PRORP: variants seen among roughly 807,000 people sequenced by gnomAD.
PRORP encodes protein only RNase P catalytic subunit.
PRORP carries 51 observed loss-of-function variants against 59.4 expected under a neutral mutation model. The ratio of observed to expected loss-of-function variants is 0.86; its 90% confidence interval spans 0.69 to 1.08. The LOEUF (loss-of-function observed/expected upper bound fraction) is 1.08. PRORP is among the 50% of genes least tolerant of loss of function. PRORP has a pLI of 0.00. For missense variants in PRORP, 646 were observed against 690.3 expected (o/e 0.94, Z 0.72); for synonymous variants, 231 against 245.6 (o/e 0.94, Z 0.55).
intron 2 of PRORP, 162 bp downstream of exon 2, chr14:35,124,393 C>G (rs2899830): frequency 0.38 from 158,331 of 422,102 alleles, 30,221 homozygotes; most frequent in South Asian, 0.47. Context: ...TCAGTCTCCT[C>G]AGTAGCTAAA....
intron 4 of PRORP, among the ~76,000 whole-genome samples, chr14:35,175,636 A>T (rs1016495254): frequency 2.9e-3 from 444 of 151,886 alleles, no homozygotes; most frequent in Non-Finnish European, 4.8e-3. Flanking sequence ...GATTCTGGAT[A>T]TTAGCCCTTT....
chr14:35,240,294 C>CTTTTTT (rs3058452), intron 5 of PRORP, among the ~76,000 whole-genome samples: 12 of 109,378 alleles, frequency 1.1e-4, no homozygotes, highest in African/African-American at 2.1e-4. Flanking sequence ...TTTAAACCAT[C>CTTTTTT]TTTTTTTTTT....
intron 5 of PRORP, among the ~76,000 whole-genome samples, chr14:35,236,818 C>T (rs1328723923): frequency 6.8e-6 from 1 of 147,514 alleles, no homozygotes; most frequent in Non-Finnish European, 1.5e-5. Context: ...ACTGAACTTG[C>T]CATCTTCCTG....
Position 35,150,896 on chromosome 14 carries a change from AGGT to A in PRORP, c.1167+23288_1167+23290del, listed in dbSNP as rs373875997. Among the ~76,000 whole-genome samples the A allele has an allele frequency of 7.4e-4, 112 of 152,288 alleles. 2 individuals carry two copies. In the South Asian group the frequency reaches 0.022, roughly 30 times the overall value. The stretch of plus-strand genomic sequence containing the variant: ...AAGTCACCTTTAGGAGGTTGAAACA[AGGT>A]GGGAGTGTGCAAAGGAGATACTTGA... On this transcript the variant is annotated intron_variant, in intron 4 of 7. Coordinates refer to ENST00000534898, the MANE Select transcript of PRORP (RefSeq NM_014672.4).
At chr14:35,237,240 G>A (rs2050245750) in intron 5 of PRORP, among the ~76,000 whole-genome samples, 1 of 151,672 alleles carries the variant, frequency 6.6e-6, no homozygotes, top group South Asian at 2.1e-4. Flanking sequence ...CCACAGACGT[G>A]CGCCACCACA....
intron 4 of PRORP, among the ~76,000 whole-genome samples, chr14:35,152,982 A>G (rs1161407303): frequency 6.6e-6 from 1 of 152,134 alleles, no homozygotes; most frequent in African/African-American, 2.4e-5. Context: ...CACTTCCCAG[A>G]CGGGGTGGCG....
At chr14:35,233,588 T>A (rs2050135854) in intron 5 of PRORP, among the ~76,000 whole-genome samples, 1 of 151,354 alleles carries the variant, frequency 6.6e-6, no homozygotes. Flanking sequence ...TCCTTTGTAT[T>A]TCCTCAGATT....
At chr14:35,175,760 C>A (rs1334211895) in intron 4 of PRORP, among the ~76,000 whole-genome samples, 1 of 152,074 alleles carries the variant, frequency 6.6e-6, no homozygotes, top group Admixed American at 6.6e-5. Flanking sequence ...TCCCATTTGT[C>A]AATTTTGGCT....
At chr14:35,128,275 T>C (rs1483577402) in intron 4 of PRORP, among the ~76,000 whole-genome samples, 1 of 148,622 alleles carries the variant, frequency 6.7e-6, no homozygotes, top group Non-Finnish European at 1.5e-5. Flanking sequence ...CCTGTAGTTT[T>C]TTGTTTTTTT....
chr14:35,247,985 G>A (rs779512281), intron 5 of PRORP, among the ~76,000 whole-genome samples: 6 of 152,154 alleles, frequency 3.9e-5, no homozygotes, highest in Non-Finnish European at 7.4e-5. Context: ...GACTGTGTGG[G>A]TGCTAATGGC....
intron 4 of PRORP, among the ~76,000 whole-genome samples, chr14:35,176,222 A>G (rs1337561827): frequency 6.6e-6 from 1 of 152,070 alleles, no homozygotes; most frequent in Non-Finnish European, 1.5e-5. Context: ...TTGGCAATGC[A>G]GGCTCTTTTT....
intron 5 of PRORP, among the ~76,000 whole-genome samples, chr14:35,226,673 A>C (rs1409443920): frequency 6.6e-6 from 1 of 152,210 alleles, no homozygotes; most frequent in East Asian, 1.9e-4. Context: ...TTTGAGGAGA[A>C]AGATAAAATT....
intron 4 of PRORP, among the ~76,000 whole-genome samples, chr14:35,150,419 G>T (rs180930033): frequency 6.6e-6 from 1 of 152,242 alleles, no homozygotes; most frequent in African/African-American, 2.4e-5. Context: ...GGTTTCTGGT[G>T]CCCTAAAACA....
intron 5 of PRORP, among the ~76,000 whole-genome samples, chr14:35,259,994 T>TTTG (rs1437287549): frequency 1.4e-3 from 33 of 24,104 alleles, no homozygotes; most frequent in African/African-American, 3.5e-3. Context: ...GTTTTTCGGG[T>TTTG]TTTTTTTTTT....
chr14:35,235,355 A>G (rs2138514336), intron 5 of PRORP: 1 of 703,050 alleles, frequency 1.4e-6, no homozygotes, highest in East Asian at 2.8e-5. Flanking sequence ...TTCCGAGTTA[A>G]CCTGTGTAAA....
intron 4 of PRORP, among the ~76,000 whole-genome samples, chr14:35,128,750 T>C (rs1424456422): frequency 2.6e-5 from 4 of 152,194 alleles, no homozygotes; most frequent in Non-Finnish European, 4.4e-5. Context: ...TAAAGGTTTA[T>C]CAATTTTGTT....
At position 35,272,059 on chromosome 14, in the gene PRORP, G is replaced by A. The variant is rs1038426129; in HGVS notation, c.1621-1376G>A. ...CAAAAAAAAACAACAAAAAAAAAACGGAGATGTTGGTCAAAGGAGAAAAAA... is the reference window on the plus strand; with the variant it reads ...CAAAAAAAAACAACAAAAAAAAAACAGAGATGTTGGTCAAAGGAGAAAAAA... On this transcript the variant is annotated intron_variant, in intron 7 of 7. Transcript: ENST00000534898. Among the ~76,000 whole-genome samples, 7 of 151,414 alleles carry A rather than the reference G, an allele frequency of 4.6e-5. No individual in the cohort carries two copies. The East Asian group carries it at 7.7e-4, about 17-fold the overall frequency.
chr14:35,153,127 G>A (rs141000583), intron 4 of PRORP, among the ~76,000 whole-genome samples: 342 of 152,368 alleles, frequency 2.2e-3, no homozygotes, highest in African/African-American at 7.8e-3. Flanking sequence ...GCGAGACTCC[G>A]TCTCAATCCC....
intron 5 of PRORP, among the ~76,000 whole-genome samples, chr14:35,218,471 A>G (rs1216029268): frequency 2.7e-5 from 4 of 145,802 alleles, no homozygotes; most frequent in African/African-American, 5.0e-5. Flanking sequence ...AAAAAAGAAA[A>G]AAAAAAAAAA....
Sources: gnomAD v4.1 joint callset for allele counts (sites outside exome capture counted in the v4.1 genomes callset) on GRCh38, gnomAD v4.1.1 for gene constraint, MANE v1.5 for transcripts, NCBI Gene and HGNC (gene_info 2026-07-23, HGNC 2026-07-21) for gene names.